Variants in KALRN observed in about 807,000 individuals in gnomAD.
KALRN encodes kalirin.
Under a neutral mutation model 353.7 loss-of-function variants are expected in KALRN, and 70 were observed. The ratio of observed to expected loss-of-function variants is 0.20; its 90% CI spans 0.16 to 0.24. The LOEUF (loss-of-function observed/expected upper bound fraction) is 0.24, where lower values mean the gene tolerates loss of function less well. KALRN is among the 10% of genes least tolerant of loss of function. The pLI is 1.00. For synonymous variants in KALRN, 1,391 were observed against 1,434.8 expected, an observed-to-expected ratio of 0.97 and a Z score of 0.69; for missense variants, 2,791 against 3,756.7, an observed-to-expected ratio of 0.74 and a Z score of 6.72.
At position 124,368,176 on chromosome 3, in the gene KALRN, G is replaced by T. The variant is rs549212970; in HGVS notation, c.1771-16669G>T. On this transcript the variant is annotated intron_variant, in intron 10 of 59. Transcript: ENST00000682506. ...CACCTCCCTCCCGGACAGCACGGCTGGCCGGGCGGGGGGCTGACCCCCCAC... is the reference window on the plus strand; with the variant it reads ...CACCTCCCTCCCGGACAGCACGGCTTGCCGGGCGGGGGGCTGACCCCCCAC... 1.2e-3 allele frequency among the ~76,000 whole-genome samples: 97 copies of T among 79,384 alleles called. 19 individuals are homozygous for T. The highest frequency in any genetic ancestry group is 5.1e-3 in the African/African-American group (96 of 18,756). The allele number at this position is 79,384 out of a possible 152,430, so 52.1% of individuals were successfully genotyped here.
chr3:124,377,739 T>A (rs2086783338), intron 10 of KALRN, among the ~76,000 whole-genome samples: 1 of 152,208 alleles, frequency 6.6e-6, no homozygotes, highest in East Asian at 1.9e-4. Context: ...CATAACTGTT[T>A]AGGGTTATTA....
intron 4 of KALRN, among the ~76,000 whole-genome samples, chr3:124,267,215 A>G (rs916478728): frequency 5.9e-5 from 9 of 152,368 alleles, no homozygotes; most frequent in African/African-American, 2.2e-4. Flanking sequence ...ATTGGTAAGT[A>G]TAATGATGGA....
chr3:124,659,266 G>A, intron 42 of KALRN, 99 bp from the exon 43 acceptor site: 1 of 816,554 alleles, frequency 1.2e-6, no homozygotes, highest in Non-Finnish European at 2.1e-6. Flanking sequence ...AACTTCATTG[G>A]AAAACATGCA....
intron 33 of KALRN, among the ~76,000 whole-genome samples, chr3:124,539,309 T>A (rs1011793905): frequency 4.6e-5 from 7 of 152,180 alleles, no homozygotes; most frequent in Non-Finnish European, 1.0e-4. Flanking sequence ...GACTGATAGA[T>A]CTTCTCTCTA....
chr3:124,386,131 AG>A (rs1285031544), intron 11 of KALRN, among the ~76,000 whole-genome samples: 1 of 152,200 alleles, frequency 6.6e-6, no homozygotes, highest in Non-Finnish European at 1.5e-5. Flanking sequence ...GAGATTCCCC[AG>A]GCAGATGAAG....
chr3:124,482,770 C>T (rs1561089072), intron 27 of KALRN, 38 bp from the exon 28 acceptor site: 1 of 1,351,440 alleles, frequency 7.4e-7, no homozygotes, highest in East Asian at 2.3e-5. Flanking sequence ...TGCACACACC[C>T]CTCTGTGTCT....
chr3:124,337,768 G>A (rs2081282996), intron 9 of KALRN, among the ~76,000 whole-genome samples: 1 of 152,070 alleles, frequency 6.6e-6, no homozygotes, highest in Non-Finnish European at 1.5e-5. Context: ...GAATCCATCT[G>A]GTCCTGGACG....
intron 34 of KALRN, among the ~76,000 whole-genome samples, chr3:124,596,992 G>T (rs986847871): frequency 1.3e-5 from 2 of 152,050 alleles, no homozygotes; most frequent in African/African-American, 2.4e-5. Flanking sequence ...AGGTTGCAGT[G>T]AGCCAAGTTT....
chr3:124,559,179 A>C (rs964061954), intron 33 of KALRN, among the ~76,000 whole-genome samples: 2 of 152,216 alleles, frequency 1.3e-5, no homozygotes, highest in Non-Finnish European at 2.9e-5. Context: ...GTGGAGCTGG[A>C]GGAAAGTGAG....
chr3:124,500,613 C>T (rs2064401612), intron 33 of KALRN, among the ~76,000 whole-genome samples: 1 of 152,188 alleles, frequency 6.6e-6, no homozygotes, highest in Non-Finnish European at 1.5e-5. Flanking sequence ...AATATGGGTG[C>T]CTCAGTAAAT....
chr3:124,455,121 T>C, intron 21 of KALRN, 56 bp from the exon 22 acceptor site: 1 of 1,586,374 alleles, frequency 6.3e-7, no homozygotes, highest in Non-Finnish European at 8.6e-7. Context: ...GGATTTGGGG[T>C]GAAGGGGCAG....
intron 3 of KALRN, among the ~76,000 whole-genome samples, chr3:124,261,035 G>A (rs1560391370): frequency 6.8e-6 from 1 of 146,252 alleles, no homozygotes; most frequent in Non-Finnish European, 1.5e-5. Context: ...AGTAACCTGA[G>A]CTTGGGTTTT....
chr3:124,189,935 CAAAA>C (rs1218193851), intron 1 of KALRN, among the ~76,000 whole-genome samples: 3 of 69,446 alleles, frequency 4.3e-5, no homozygotes, highest in Non-Finnish European at 6.2e-5. Flanking sequence ...AAGACTCTGT[CAAAA>C]AAAAAAAAAA....
chr3:124,199,258 C>T (rs1317451886), intron 1 of KALRN, among the ~76,000 whole-genome samples: 2 of 152,198 alleles, frequency 1.3e-5, no homozygotes, highest in African/African-American at 4.8e-5. Context: ...TTCTCCCTGC[C>T]AGGGCTCCAG....
chr3:124,355,329 G>A (rs1248799580), intron 10 of KALRN, among the ~76,000 whole-genome samples: 2 of 152,296 alleles, frequency 1.3e-5, no homozygotes, highest in East Asian at 1.9e-4. Flanking sequence ...TAGATCACAT[G>A]TGGAAAATTG....
At chr3:124,092,440 C>G (rs1037403305) in intron 1 of KALRN, among the ~76,000 whole-genome samples, 1 of 152,242 alleles carries the variant, frequency 6.6e-6, no homozygotes, top group Non-Finnish European at 1.5e-5. Flanking sequence ...GATGCACTCT[C>G]TCTGCAGTTA....
chr3:124,592,464 AG>A (rs67132590), intron 34 of KALRN, among the ~76,000 whole-genome samples: 23,184 of 151,496 alleles, frequency 0.15, 1,874 homozygotes, highest in Middle Eastern at 0.19. Context: ...TAAAAAAAAA[AG>A]ATAGCCAATT....
chr3:124,055,612 T>G (rs553349043), intron 1 of KALRN, among the ~76,000 whole-genome samples: 1 of 152,348 alleles, frequency 6.6e-6, no homozygotes, highest in East Asian at 1.9e-4. Context: ...TTTTGGGTTT[T>G]CCTATGAGAA....
At chr3:124,145,201 C>T (rs931493803) in intron 1 of KALRN, among the ~76,000 whole-genome samples, 5 of 152,170 alleles carry the variant, frequency 3.3e-5, no homozygotes, top group East Asian at 1.9e-4. Flanking sequence ...GACCTATCCT[C>T]CTCCCTTTAT....
Sources: allele counts gnomAD v4.1 joint callset (sites outside exome capture counted in the v4.1 genomes callset), GRCh38; gene constraint gnomAD v4.1.1; transcripts MANE v1.5; gene names NCBI Gene and HGNC (gene_info 2026-07-23, HGNC 2026-07-21).